LRRC24: variants seen among roughly 807,000 people sequenced by gnomAD.
LRRC24 encodes the protein leucine rich repeat containing 24.
A neutral mutation model predicts 15.3 loss-of-function variants in LRRC24; 19 were observed. The ratio of observed to expected loss-of-function variants is 1.25; its 90% CI spans 0.87 to 1.83. The LOEUF is 1.83. LRRC24 is among the 40% of genes most tolerant of loss of function. The pLI, the probability that LRRC24 is intolerant of heterozygous loss-of-function variation, is 0.00. For synonymous variants in LRRC24, 469 were observed against 359.6 expected, an observed-to-expected ratio of 1.30 and a Z score of -3.44; for missense variants, 914 against 723.9, an observed-to-expected ratio of 1.26 and a Z score of -3.01.
rs770884720 is a variant in LRRC24 at position 144,522,582 on chromosome 8, G to C, written c.1435C>G (p.Leu479Val). Residue 479 changes from leucine to valine, a missense_variant, in exon 5 of 5, where the codon CTC becomes GTC. Transcript: ENST00000529415. ...GCCTCCGCCGGACCCTCGGCGAAGA[G>C]CGGCTTGGAGCGGTTGATGACGAAC... is the stretch of plus-strand genomic sequence containing the variant. ...EMFVINRSKP[L>V]FAEGPAEAPA... 1.2e-5 allele frequency: 18 copies of C among 1,553,568 alleles called. No homozygotes were observed. The Admixed American group carries it at 3.4e-4, about 30-fold the overall frequency.
At position 144,524,596 on chromosome 8, in the gene LRRC24, G is replaced by A; in HGVS notation, c.283C>T (p.Arg95Cys). ...SLRALEAGAF[R>C]AQPRLLELAL... ...AGCTCCAGCAGGCGCGGCTGCGCGC[G>A]GAAGGCGCCGGCCTCCAGGGCGCGC... is the stretch of plus-strand genomic sequence containing the variant. Residue 95 changes from arginine (R) to cysteine (C), a missense_variant, in exon 3 of 5, where the codon CGC becomes TGC. By Grantham distance (180) the Arg-to-Cys change is radical. Transcript: ENST00000529415. The A allele has an allele frequency of 2.0e-6, 3 of 1,528,910 alleles. No individual in the cohort carries two copies. Among genetic ancestry groups the A allele is most frequent in the South Asian group, 1.2e-5 (1 of 83,468 alleles). The allele number at this position is 1,528,910 out of a possible 1,614,324, so 94.7% of individuals were successfully genotyped here.
rs1388120371 is a variant in LRRC24 at position 144,522,735 on chromosome 8, G to A, written c.1282C>T (p.Arg428Trp). 4.4e-6 allele frequency: 7 copies of A among 1,590,996 alleles called. No homozygotes were observed. In the African/African-American group the frequency reaches 5.4e-5, roughly 12 times the overall value. ...ALLLVAMICR[R>W]RRRRKKARGP... ...CGCGCCTTTTTTCGCCTGCGGCGCC[G>A]GCGACAGATCATGGCGACCAGGAGC... The change falls in exon 5 of 5, where the codon CGG becomes TGG. Residue 428 changes from arginine (R) to tryptophan (W), a missense_variant. Transcript: ENST00000529415.
At chr8:144,526,715 C>T (rs1221377288) in intron 1 of LRRC24, 1 of 152,294 alleles carries the variant, frequency 6.6e-6, no homozygotes, top group African/African-American at 2.4e-5. Context: ...CCAAGCTGGT[C>T]TTTGGGCGGC....
chr8:144,524,022 C>G (rs1235272887), intron 4 of LRRC24, 88 bp downstream of exon 4: 11 of 1,460,386 alleles, frequency 7.5e-6, no homozygotes, highest in Non-Finnish European at 1.0e-5. Flanking sequence ...TGCCCAGTTG[C>G]CTGATGTCAG....
Position 144,523,240 on chromosome 8 carries a change from C to T in LRRC24, c.777G>A (p.Pro259=). ...CCAGCGGCTGCACGTGGACAGAGGG[C>T]GGAATGCAGATGAGGCTGCTGTGGG... The part of the protein sequence containing the change: ...DVSHSSLICI[P]PSVHVQPLEL... The change falls in exon 5 of 5, where the codon CCG becomes CCA. Residue 259 remains proline, a synonymous_variant. Coordinates refer to ENST00000529415, the MANE Select transcript of LRRC24 (RefSeq NM_001024678.4). The T allele has an allele frequency of 2.5e-6, 4 of 1,610,018 alleles. No individual in the cohort carries two copies. The highest frequency in any genetic ancestry group is 2.5e-6 in the Non-Finnish European group (3 of 1,178,766).
In LRRC24 at chr8:144,522,528, C is replaced by T. The variant is rs748914137; in HGVS notation, c.1489G>A (p.Ala497Thr). ...GGGGGCACGCGGAGTCCCGGCCCCGCCCCCTGTTCCGGGCCGCAGTCAGCG... is the reference window on the plus strand; with the variant it reads ...GGGGGCACGCGGAGTCCCGGCCCCGTCCCCTGTTCCGGGCCGCAGTCAGCG... ...APADCGPEQGAGPGLRVPPPV... is the reference protein window; with the variant it reads ...APADCGPEQGTGPGLRVPPPV... The change falls in exon 5 of 5, where the codon GCG becomes ACG. Residue 497 changes from alanine (A) to threonine (T), a missense_variant. Coordinates refer to ENST00000529415, the MANE Select transcript of LRRC24 (RefSeq NM_001024678.4). 5 of 1,517,792 alleles carry T rather than the reference C, an allele frequency of 3.3e-6. No homozygotes were observed. In the South Asian group the frequency reaches 3.7e-5, roughly 11 times the overall value. The allele number at this position is 1,517,792 out of a possible 1,614,324, so 94.0% of individuals were successfully genotyped here.
chr8:144,522,921 G>A lies in LRRC24; in HGVS notation c.1096C>T (p.Arg366Trp), dbSNP rs1033560384. Residue 366 changes from arginine to tryptophan, a missense_variant, in exon 5 of 5, where the codon CGG becomes TGG. Transcript: ENST00000529415. ...VPFRLLVNAS[R>W]QQPQQPAQPP... is the part of the protein sequence containing the mutation. ...TGCGCGGGCTGCTGCGGCTGCTGCC[G>A]GGACGCGTTGACCAGGAGCCGGAAG... 5 of 1,461,934 alleles carry A rather than the reference G, an allele frequency of 3.4e-6. No homozygotes were observed. Among genetic ancestry groups the A allele is most frequent in the Non-Finnish European group, 4.5e-6 (5 of 1,114,942 alleles). The allele number at this position is 1,461,934 out of a possible 1,614,324, so 90.6% of individuals were successfully genotyped here. A position where few individuals can be genotyped will look rare whatever the true frequency, so the allele number is the denominator to read the frequency against.
intron 1 of LRRC24, chr8:144,525,243 A>G (rs1274871937): frequency 9.3e-6 from 3 of 324,106 alleles, no homozygotes; most frequent in Non-Finnish European, 1.7e-5. Context: ...CAGTGTCTTC[A>G]CAGGATGTGA....
Position 144,524,708 on chromosome 8 carries a change from C to T in LRRC24, c.171G>A (p.Leu57=). ...GIPPGTQTLF[L]QDNNIARLEP... ...CTAGGCGGGCGATGTTGTTGTCCTG[C>T]AGGAACAGTGTCTGCAGGCCGGGGA... The change falls in exon 3 of 5, where the codon CTG becomes CTA. Residue 57 remains leucine, a synonymous_variant. Transcript: ENST00000529415. 1.4e-6 allele frequency: 2 copies of T among 1,458,324 alleles called. No individual in the cohort carries two copies. The highest frequency in any genetic ancestry group is 2.8e-5 in the South Asian group (2 of 72,624). 90.3% of individuals were successfully genotyped at this position (1,458,324 alleles called of 1,614,324 possible).
rs1386736115 is a variant in LRRC24, at chr8:144,525,532, T to G, written c.-59-499A>C. 5.9e-5 allele frequency among the ~76,000 whole-genome samples: 9 copies of G among 152,268 alleles called. No homozygotes were observed. The East Asian group carries it at 1.7e-3, about 29-fold the overall frequency. ...GGGCAGACACGCCTCCTTGTTATCC[T>G]GTGGGGGCCTGGGCAGAGCTGGCCT... On this transcript the variant is annotated intron_variant, in intron 1 of 4. Coordinates refer to ENST00000529415, the MANE Select transcript of LRRC24 (RefSeq NM_001024678.4).
At chr8:144,525,607 C>T (rs1227358762) in intron 1 of LRRC24, 2 of 152,186 alleles carry the variant, frequency 1.3e-5, no homozygotes, top group Non-Finnish European at 2.9e-5. Context: ...TTGTCCAGCA[C>T]CTGCTCCTGC....
Position 144,522,392 on chromosome 8 carries a change from C to G in LRRC24, c.*83G>C. The G allele has an allele frequency of 7.3e-7, 1 of 1,363,600 alleles. No individual in the cohort carries two copies. Among genetic ancestry groups the G allele is most frequent in the Non-Finnish European group, 9.4e-7 (1 of 1,065,106 alleles). The allele number at this position is 1,363,600 out of a possible 1,614,324, so 84.5% of individuals were successfully genotyped here. A position where few individuals can be genotyped will look rare whatever the true frequency, so the allele number is the denominator to read the frequency against. ...CACACACGGCTCAGCGCACACTGCGCGGCTTCCACCTTTACTGACGGAGCA... is the reference window on the plus strand; with the variant it reads ...CACACACGGCTCAGCGCACACTGCGGGGCTTCCACCTTTACTGACGGAGCA... On this transcript the variant is annotated 3_prime_UTR_variant, in exon 5 of 5. Coordinates refer to ENST00000529415, the MANE Select transcript of LRRC24 (RefSeq NM_001024678.4).
In LRRC24 at chr8:144,522,412, G is replaced by A; in HGVS notation, c.*63C>T. On this transcript the variant is annotated 3_prime_UTR_variant, in exon 5 of 5. Transcript: ENST00000529415. ...CTGCGCGGCTTCCACCTTTACTGAC[G>A]GAGCATGCGCGAGGCCGCACCGGCC... 7.3e-7 allele frequency: 1 copy of A among 1,369,524 alleles called. No individual in the cohort carries two copies. The highest frequency in any genetic ancestry group is 9.4e-7 in the Non-Finnish European group (1 of 1,068,718). The allele number at this position is 1,369,524 out of a possible 1,614,324, so 84.8% of individuals were successfully genotyped here.
At position 144,522,444 on chromosome 8, in the gene LRRC24, C is replaced by T; in HGVS notation, c.*31G>A. 6 of 1,391,160 alleles carry T rather than the reference C, an allele frequency of 4.3e-6. No homozygotes were observed. Among genetic ancestry groups the T allele is most frequent in the Non-Finnish European group, 5.5e-6 (6 of 1,081,440 alleles). The allele number at this position is 1,391,160 out of a possible 1,614,324, so 86.2% of individuals were successfully genotyped here. A position where few individuals can be genotyped will look rare whatever the true frequency, so the allele number is the denominator to read the frequency against. On this transcript the variant is annotated 3_prime_UTR_variant, in exon 5 of 5. Transcript: ENST00000529415. ...GCGCGAGGCCGCACCGGCCAATCTCCGGCGCCCACGTCATCCGCGCGCCCG... is the reference window on the plus strand; with the variant it reads ...GCGCGAGGCCGCACCGGCCAATCTCTGGCGCCCACGTCATCCGCGCGCCCG...
rs1306052619 is a variant in LRRC24 at position 144,524,705 on chromosome 8, C to T, written c.174G>A (p.Gln58=). The T allele has an allele frequency of 1.0e-5, 15 of 1,460,180 alleles. No homozygotes were observed. The East Asian group carries it at 1.3e-4, about 13-fold the overall frequency. The allele number at this position is 1,460,180 out of a possible 1,614,324, so 90.5% of individuals were successfully genotyped here. ...GCTCTAGGCGGGCGATGTTGTTGTC[C>T]TGCAGGAACAGTGTCTGCAGGCCGG... The part of the protein sequence containing the change: ...IPPGTQTLFL[Q]DNNIARLEPG... Residue 58 remains glutamine, a synonymous_variant, in exon 3 of 5, where the codon CAG becomes CAA. Coordinates refer to ENST00000529415, the MANE Select transcript of LRRC24 (RefSeq NM_001024678.4).
chr8:144,523,579 C>G, intron 4 of LRRC24, 170 bp from the exon 5 acceptor site: 4 of 1,095,202 alleles, frequency 3.7e-6, no homozygotes, highest in Non-Finnish European at 4.8e-6. Context: ...CTTGGGGCGG[C>G]AGGCCCTTCA....
At chr8:144,523,601 CT>C (rs1816222655) in intron 4 of LRRC24, 192 bp from the exon 5 acceptor site, 2 of 838,030 alleles carry the variant, frequency 2.4e-6, no homozygotes, top group Admixed American at 3.7e-5. Flanking sequence ...CCTCGCCCCC[CT>C]CCCCTTTAGC....
rs767171216 is a variant in LRRC24 at position 144,522,725 on chromosome 8, C to T, written c.1292G>A (p.Arg431Lys). ...LVAMICRRRR[R>K]RKKARGPPGE... is the part of the protein sequence containing the mutation. The stretch of plus-strand genomic sequence containing the variant: ...CGGAGGCCCCCGCGCCTTTTTTCGC[C>T]TGCGGCGCCGGCGACAGATCATGGC... Residue 431 changes from arginine to lysine, a missense_variant, in exon 5 of 5, where the codon AGG becomes AAG. By Grantham distance (26) the Arg-to-Lys change is conservative (BLOSUM62 2). Coordinates refer to ENST00000529415, the MANE Select transcript of LRRC24 (RefSeq NM_001024678.4). 7.5e-6 allele frequency: 12 copies of T among 1,593,836 alleles called. No homozygotes were observed. Among genetic ancestry groups the T allele is most frequent in the African/African-American group, 4.1e-5 (3 of 73,694 alleles).
In LRRC24 at chr8:144,524,211, A is replaced by G; in HGVS notation, c.506T>C (p.Leu169Pro). 6.2e-7 allele frequency: 1 copy of G among 1,612,638 alleles called. No individual in the cohort carries two copies. Among genetic ancestry groups the G allele is most frequent in the Non-Finnish European group, 8.5e-7 (1 of 1,179,906 alleles). Residue 169 changes from leucine to proline, a missense_variant, in exon 4 of 5, where the codon CTG (leucine) becomes CCG (proline). Transcript: ENST00000529415. ...GAGGTCCAGCAGTGCTAGGGAGGAC[A>G]GCCCCGCTAGAGCCTGGTCCTCCAG... ...ELLEDQALAG[L>P]SSLALLDLSR... is the part of the protein sequence containing the mutation.
Sources: gnomAD v4.1 joint callset for allele counts (sites outside exome capture counted in the v4.1 genomes callset) on GRCh38, gnomAD v4.1.1 for gene constraint, MANE v1.5 for transcripts, NCBI Gene and HGNC (gene_info 2026-07-23, HGNC 2026-07-21) for gene names.